SEMA3E: variants seen among roughly 807,000 people sequenced by gnomAD.
SEMA3E encodes semaphorin 3E, also known as semaphorin-3E.
Under a neutral mutation model 93.6 loss-of-function variants are expected in SEMA3E, and 49 were observed. The ratio of observed to expected loss-of-function variants is 0.52; its 90% CI spans 0.42 to 0.66. SEMA3E has a LOEUF of 0.66. Ranked by LOEUF, SEMA3E falls within the 30% of genes least tolerant of loss-of-function variation. SEMA3E has a pLI of 0.00. For synonymous variants in SEMA3E, 363 were observed against 330.7 expected (o/e 1.10, Z -1.06); for missense variants, 906 against 964.8 (o/e 0.94, Z 0.81).
chr7:83,542,579 A>C (rs560525543), intron 1 of SEMA3E, among the ~76,000 whole-genome samples: 1 of 152,252 alleles, frequency 6.6e-6, no homozygotes, highest in South Asian at 2.1e-4. Context: ...TGACTAAATA[A>C]AATAAACAAA....
At chr7:83,384,252 G>T (rs531600108) in intron 16 of SEMA3E, among the ~76,000 whole-genome samples, 1 of 152,002 alleles carries the variant, frequency 6.6e-6, no homozygotes, top group Non-Finnish European at 1.5e-5. Context: ...AAAGTGTTCC[G>T]CATTTGGAAT....
At position 83,366,383 on chromosome 7, in the gene SEMA3E, A is replaced by G. The variant is rs1212554681; in HGVS notation, c.*1203T>C. On this transcript the variant is annotated 3_prime_UTR_variant, in exon 17 of 17. Transcript: ENST00000643230. ...TTTTATAACATTTAAGAGAGAGGTA[A>G]AAATGCTCTGAATATCTCAGTAGTT... is the stretch of plus-strand genomic sequence containing the variant. The G allele has an allele frequency of 1.3e-5, 2 of 152,048 alleles. No homozygotes were observed. Among genetic ancestry groups the G allele is most frequent in the Non-Finnish European group, 2.9e-5 (2 of 67,908 alleles). 9.4% of individuals were successfully genotyped at this position (152,048 alleles called of 1,614,324 possible). A position where few individuals can be genotyped will look rare whatever the true frequency, so the allele number is the denominator to read the frequency against.
Position 83,438,356 on chromosome 7 carries a change from A to G in SEMA3E, c.457-19873T>C, listed in dbSNP as rs139446844. Among the ~76,000 whole-genome samples, 620 of 152,288 alleles carry G rather than the reference A, an allele frequency of 4.1e-3. 1 individual carries two copies. The highest frequency in any genetic ancestry group is 0.01 in the Middle Eastern group (3 of 294). On this transcript the variant is annotated intron_variant, in intron 4 of 16. Transcript: ENST00000643230. ...TTACCTGGAATCTCTTTACATAAAT[A>G]AACTACACACTATTCAAAGCAGGCC...
intron 1 of SEMA3E, among the ~76,000 whole-genome samples, chr7:83,584,196 T>C (rs1792571854): frequency 1.3e-5 from 2 of 152,122 alleles, no homozygotes; most frequent in South Asian, 2.1e-4. Flanking sequence ...GTAATAAAAC[T>C]TTTTTTCATA....
chr7:83,554,838 G>A (rs111497497), intron 1 of SEMA3E, among the ~76,000 whole-genome samples: 4 of 152,144 alleles, frequency 2.6e-5, no homozygotes, highest in Admixed American at 6.6e-5. Context: ...TTAGCCTGGC[G>A]TGGTGGCGGG....
intron 9 of SEMA3E, 66 bp downstream of exon 9, chr7:83,405,384 G>T: frequency 1.7e-6 from 2 of 1,145,296 alleles, no homozygotes; most frequent in Non-Finnish European, 2.7e-6. Context: ...TATACACCAT[G>T]AAGGGAGAGT....
At chr7:83,432,020 A>AG (rs550645301) in intron 4 of SEMA3E, among the ~76,000 whole-genome samples, 278 of 149,170 alleles carry the variant, frequency 1.9e-3, no homozygotes, top group African/African-American at 6.1e-3. Flanking sequence ...AAGCACTTGG[A>AG]GGGGCCATGT....
chr7:83,568,329 T>C (rs760828047), intron 1 of SEMA3E, among the ~76,000 whole-genome samples: 7 of 152,090 alleles, frequency 4.6e-5, no homozygotes, highest in Non-Finnish European at 1.5e-5. Context: ...TTCCCTAAAC[T>C]ATTCTGAAAC....
chr7:83,641,388 A>G (rs1040085178), intron 1 of SEMA3E: 2 of 985,418 alleles, frequency 2.0e-6, no homozygotes, highest in Non-Finnish European at 2.4e-6. Context: ...CAAGTAAACA[A>G]CACATGCTGA....
At chr7:83,427,312 A>G (rs990707016) in intron 4 of SEMA3E, among the ~76,000 whole-genome samples, 3 of 151,872 alleles carry the variant, frequency 2.0e-5, no homozygotes, top group African/African-American at 7.3e-5. Flanking sequence ...ACTCGATGGT[A>G]GTTTTCAATA....
intron 4 of SEMA3E, among the ~76,000 whole-genome samples, chr7:83,420,327 AT>A (rs1369251828): frequency 5.3e-5 from 8 of 152,154 alleles, no homozygotes; most frequent in Non-Finnish European, 8.8e-5. Context: ...ATGGAAACAC[AT>A]TCCATTCAGA....
At chr7:83,528,228 C>T (rs551503763) in intron 1 of SEMA3E, among the ~76,000 whole-genome samples, 8 of 152,158 alleles carry the variant, frequency 5.3e-5, no homozygotes, top group South Asian at 2.1e-4. Flanking sequence ...AGCTATGAAG[C>T]ATTTCTAACT....
intron 16 of SEMA3E, among the ~76,000 whole-genome samples, chr7:83,374,206 C>CAAA (rs71074647): frequency 2.1e-4 from 20 of 93,278 alleles, no homozygotes; most frequent in African/African-American, 8.3e-4. Context: ...AACTGCGTCT[C>CAAA]AAAAAAAAAA....
intron 14 of SEMA3E, among the ~76,000 whole-genome samples, chr7:83,391,652 A>G (rs1433505021): frequency 1.3e-5 from 2 of 152,106 alleles, no homozygotes; most frequent in East Asian, 1.9e-4. Context: ...AAAATTAACA[A>G]AAGTTTTGAA....
chr7:83,624,433 G>A (rs1005785216), intron 1 of SEMA3E, among the ~76,000 whole-genome samples: 9 of 152,064 alleles, frequency 5.9e-5, no homozygotes, highest in Admixed American at 6.6e-5. Flanking sequence ...GCATGAGTTG[G>A]TATGTCATTG....
chr7:83,513,902 A>G (rs548927541), intron 1 of SEMA3E, among the ~76,000 whole-genome samples: 33 of 152,310 alleles, frequency 2.2e-4, no homozygotes, highest in Admixed American at 2.6e-4. Context: ...AATAGGAGCT[A>G]GGTAAGATGA....
intron 1 of SEMA3E, among the ~76,000 whole-genome samples, chr7:83,559,660 G>A (rs1282038136): frequency 1.3e-5 from 2 of 151,988 alleles, no homozygotes; most frequent in Non-Finnish European, 2.9e-5. Flanking sequence ...TGACAATTTG[G>A]CAGTTCCTTA....
intron 4 of SEMA3E, among the ~76,000 whole-genome samples, chr7:83,439,525 A>G (rs1789068951): frequency 6.6e-6 from 1 of 152,192 alleles, no homozygotes; most frequent in South Asian, 2.1e-4. Flanking sequence ...CCTATATCAT[A>G]GTGTACTATT....
In SEMA3E at chr7:83,504,480, A is replaced by G. The variant is rs543839480; in HGVS notation, c.116-14206T>C. On this transcript the variant is annotated intron_variant, in intron 1 of 16. Transcript: ENST00000643230. ...TGCCTCAATTACTGTAGTGGCTACAATGTGAGCTGGATGCTTCTTACTAGG... is the reference window on the plus strand; with the variant it reads ...TGCCTCAATTACTGTAGTGGCTACAGTGTGAGCTGGATGCTTCTTACTAGG... Among the ~76,000 whole-genome samples the G allele has an allele frequency of 6.7e-4, 102 of 152,312 alleles. 1 individual carries two copies. Among genetic ancestry groups the G allele is most frequent in the Non-Finnish European group, 2.2e-4 (15 of 68,030 alleles).
Sources: gnomAD v4.1 joint callset for allele counts (sites outside exome capture counted in the v4.1 genomes callset) on GRCh38, gnomAD v4.1.1 for gene constraint, MANE v1.5 for transcripts, NCBI Gene and HGNC (gene_info 2026-07-23, HGNC 2026-07-21) for gene names.